Variants in METTL16 observed in about 807,000 individuals in gnomAD.
METTL16 encodes the protein RNA N(6)-adenosine-methyltransferase METTL16.
Under a neutral mutation model 57.9 loss-of-function variants are expected in METTL16, and 19 were observed. The observed-to-expected ratio is 0.33, with a 90% CI of 0.23 to 0.48. The LOEUF (loss-of-function observed/expected upper bound fraction) is 0.48. Among genes scored for constraint, METTL16 ranks in the 20% least tolerant of loss-of-function variants. The pLI, the probability that METTL16 is intolerant of heterozygous loss-of-function variation, is 0.99. For missense variants in METTL16, 434 were observed against 691.5 expected, an observed-to-expected ratio of 0.63 and a Z score of 4.18; for synonymous variants, 246 against 255.6, an observed-to-expected ratio of 0.96 and a Z score of 0.36.
At chr17:2,502,063 C>G (rs1464285058) in intron 2 of METTL16, 141 bp downstream of exon 2, 4 of 776,560 alleles carry the variant, frequency 5.2e-6, no homozygotes, top group Non-Finnish European at 8.1e-6. Flanking sequence ...AAGCTGAGAC[C>G]AAGAGAGGTT....
At chr17:2,495,830 C>A (rs1395425999) in intron 2 of METTL16, among the ~76,000 whole-genome samples, 1 of 147,112 alleles carries the variant, frequency 6.8e-6, no homozygotes, top group South Asian at 2.2e-4. Flanking sequence ...GAAGACCGGC[C>A]GGGCGCGGTG....
At chr17:2,499,505 C>CAGCCTGGGCGACAGAGAG (rs2067472130) in intron 2 of METTL16, among the ~76,000 whole-genome samples, 1 of 147,798 alleles carries the variant, frequency 6.8e-6, no homozygotes, top group African/African-American at 2.7e-5. Flanking sequence ...GATCAACATC[C>CAGCCTGGGCGACAGAGAG]ACGTATATCA....
intron 8 of METTL16, among the ~76,000 whole-genome samples, chr17:2,423,005 T>TA (rs2151683642): frequency 6.6e-6 from 1 of 151,916 alleles, no homozygotes; most frequent in Non-Finnish European, 1.5e-5. Context: ...ACAAAAAGGA[T>TA]AAAAAAGAAA....
In METTL16 at chr17:2,424,119, T is replaced by TC. The variant is rs2066791882; in HGVS notation, c.889-3216_889-3215insG. The TC allele has an allele frequency of 2.0e-5, 3 of 148,400 alleles. No homozygotes were observed. The South Asian group carries it at 6.3e-4, about 31-fold the overall frequency. The allele number at this position is 148,400 out of a possible 1,614,324, so 9.2% of individuals were successfully genotyped here. On this transcript the variant is annotated intron_variant, in intron 8 of 9. Coordinates refer to ENST00000263092, the MANE Select transcript of METTL16 (RefSeq NM_024086.4). ...TTTATTTTATTTTATTTTATTATTT[T>TC]ATTTTTTTTTTTGAGACGGAGTCTC...
chr17:2,480,813 G>A (rs1214228935), intron 2 of METTL16, among the ~76,000 whole-genome samples: 1 of 152,178 alleles, frequency 6.6e-6, no homozygotes, highest in Admixed American at 6.6e-5. Context: ...TAATGAAAGA[G>A]TTAGATAATT....
rs56367015 is a variant in METTL16 at position 2,451,357 on chromosome 17, G to C, written c.729-9798C>G. Among the ~76,000 whole-genome samples the C allele has an allele frequency of 2.8e-3, 423 of 152,130 alleles. 1 individual carries two copies. The highest frequency in any genetic ancestry group is 9.4e-3 in the African/African-American group (391 of 41,458). On this transcript the variant is annotated intron_variant, in intron 6 of 9. Coordinates refer to ENST00000263092, the MANE Select transcript of METTL16 (RefSeq NM_024086.4). The stretch of plus-strand genomic sequence containing the variant: ...AGTATCATCGGGCACAGCGGCTCAC[G>C]CCTGTAATCCCAGCACTTTCGGAGG...
chr17:2,485,269 C>A (rs1241682070), intron 2 of METTL16, among the ~76,000 whole-genome samples: 1 of 152,204 alleles, frequency 6.6e-6, no homozygotes, highest in African/African-American at 2.4e-5. Flanking sequence ...CCATCACCCC[C>A]ATATGGGACC....
At chr17:2,493,479 G>A (rs183466957) in intron 2 of METTL16, among the ~76,000 whole-genome samples, 19 of 152,010 alleles carry the variant, frequency 1.2e-4, no homozygotes, top group African/African-American at 4.6e-4. Context: ...AGCACTTTGG[G>A]AGGCCAAAGC....
At chr17:2,477,591 C>A in intron 3 of METTL16, 95 bp downstream of exon 3, 1 of 918,130 alleles carries the variant, frequency 1.1e-6, no homozygotes, top group South Asian at 1.5e-5. Flanking sequence ...TTCTTTTGTA[C>A]AACAACAAAT....
At chr17:2,467,930 G>C (rs892638794) in intron 4 of METTL16, 54 bp from the exon 5 acceptor site, 13 of 1,221,780 alleles carry the variant, frequency 1.1e-5, no homozygotes, top group Non-Finnish European at 1.6e-5. Flanking sequence ...TGGTTCTAAA[G>C]TATAACCGCG....
At chr17:2,486,402 G>C (rs929947783) in intron 2 of METTL16, among the ~76,000 whole-genome samples, 1 of 151,820 alleles carries the variant, frequency 6.6e-6, no homozygotes, top group African/African-American at 2.4e-5. Context: ...CTCCCGAGTA[G>C]CTGGGACTAC....
intron 1 of METTL16, among the ~76,000 whole-genome samples, chr17:2,506,156 G>C (rs1016194850): frequency 3.3e-5 from 5 of 151,822 alleles, no homozygotes; most frequent in African/African-American, 1.2e-4. Context: ...CAAATTCTTA[G>C]TCATTCTTGG....
chr17:2,490,211 T>C (rs2067377048), intron 2 of METTL16, among the ~76,000 whole-genome samples: 1 of 152,164 alleles, frequency 6.6e-6, no homozygotes, highest in South Asian at 2.1e-4. Flanking sequence ...TTCTGTATTA[T>C]CTAAACACAT....
intron 2 of METTL16, among the ~76,000 whole-genome samples, chr17:2,488,855 AAATT>A (rs1297350162): frequency 1.3e-5 from 2 of 152,234 alleles, no homozygotes; most frequent in Non-Finnish European, 1.5e-5. Flanking sequence ...AAGTGGCCTT[AAATT>A]ATTATTCGCG....
chr17:2,469,093 C>T (rs532795519), intron 4 of METTL16, among the ~76,000 whole-genome samples: 4 of 151,820 alleles, frequency 2.6e-5, no homozygotes, highest in African/African-American at 7.3e-5. Flanking sequence ...AAAACTTAGA[C>T]GGGTGTGGTG....
At position 2,484,673 on chromosome 17, in the gene METTL16, T is replaced by C. The variant is rs930878410; in HGVS notation, c.129-6788A>G. On this transcript the variant is annotated intron_variant, in intron 2 of 9. Transcript: ENST00000263092. ...CCATGCCCGGCTAATTTTGTATTTT[T>C]AGTAGAGACGGGGTTTCGCCATGTT... Among the ~76,000 whole-genome samples the C allele has an allele frequency of 2.6e-5, 4 of 152,150 alleles. 1 individual carries two copies. Among genetic ancestry groups the C allele is most frequent in the South Asian group, 4.1e-4 (2 of 4,828 alleles).
chr17:2,505,234 T>A (rs1485292176), intron 1 of METTL16, among the ~76,000 whole-genome samples: 1 of 151,814 alleles, frequency 6.6e-6, no homozygotes, highest in Non-Finnish European at 1.5e-5. Flanking sequence ...ACCTTTTAAA[T>A]AATGATTATT....
At chr17:2,507,546 G>A (rs2067553766) in intron 1 of METTL16, among the ~76,000 whole-genome samples, 1 of 151,548 alleles carries the variant, frequency 6.6e-6, no homozygotes, top group African/African-American at 2.4e-5. Flanking sequence ...CATCCGGGAG[G>A]TGAGGGGCGC....
At chr17:2,476,818 T>C (rs1190685323) in intron 3 of METTL16, among the ~76,000 whole-genome samples, 1 of 151,796 alleles carries the variant, frequency 6.6e-6, no homozygotes, top group Admixed American at 6.6e-5. Context: ...TAGCCAGGGG[T>C]GGTGGCAGGC....
Sources: gnomAD v4.1 joint callset for allele counts (sites outside exome capture counted in the v4.1 genomes callset) on GRCh38, gnomAD v4.1.1 for gene constraint, MANE v1.5 for transcripts, NCBI Gene and HGNC (gene_info 2026-07-23, HGNC 2026-07-21) for gene names.